The following CEP55 variants were observed in gnomAD, a reference collection of about 807,000 sequenced individuals.
CEP55 encodes centrosomal protein of 55 kDa.
Under a neutral mutation model 63.2 loss-of-function variants are expected in CEP55, and 57 were observed. The observed-to-expected ratio is 0.90, with a 90% confidence interval of 0.73 to 1.13. The LOEUF (loss-of-function observed/expected upper bound fraction) is 1.13. Ranked by LOEUF, CEP55 falls within the 50% of genes most tolerant of loss-of-function variation. CEP55 has a pLI of 0.00. For missense variants in CEP55, 456 were observed against 518.9 expected, an observed-to-expected ratio of 0.88 and a Z score of 1.18; for synonymous variants, 178 against 191.6, an observed-to-expected ratio of 0.93 and a Z score of 0.59.
chr10:93,497,521 C>A (rs2134450870), intron 1 of CEP55, among the ~76,000 whole-genome samples: 1 of 152,258 alleles, frequency 6.6e-6, no homozygotes, highest in South Asian at 2.1e-4. Flanking sequence ...CTGCCTCGGC[C>A]TTCCAGAGTG....
At chr10:93,514,003 G>A (rs1043300669) in intron 4 of CEP55, among the ~76,000 whole-genome samples, 3 of 150,658 alleles carry the variant, frequency 2.0e-5, no homozygotes, top group African/African-American at 7.3e-5. Flanking sequence ...GGAGTGCAGT[G>A]GCGCAATCTT....
rs3758542 is a variant in CEP55 at position 93,498,218 on chromosome 10, G to A, written c.-13+1295G>A. On this transcript the variant is annotated intron_variant, in intron 1 of 8. Coordinates refer to ENST00000371485, the MANE Select transcript of CEP55 (RefSeq NM_018131.5). Reference sequence around the variant, plus strand: ...GAGGTTGGTGGGACTAGGTGGTGGGGGAGATCCAAACCGTCTGGGCCAGAG... The same window carrying A: ...GAGGTTGGTGGGACTAGGTGGTGGGAGAGATCCAAACCGTCTGGGCCAGAG... Among the ~76,000 whole-genome samples, 73 of 152,222 alleles carry A rather than the reference G, an allele frequency of 4.8e-4. No individual in the cohort carries two copies. In the East Asian group the frequency reaches 0.013, roughly 27 times the overall value.
chr10:93,497,311 G>A (rs910440607), intron 1 of CEP55, among the ~76,000 whole-genome samples: 1 of 152,112 alleles, frequency 6.6e-6, no homozygotes, highest in South Asian at 2.1e-4. Context: ...TGTCACCAAG[G>A]CTGGAGTGCA....
intron 2 of CEP55, among the ~76,000 whole-genome samples, chr10:93,501,790 G>T (rs2057638406): frequency 6.6e-6 from 1 of 152,106 alleles, no homozygotes; most frequent in South Asian, 2.1e-4. Context: ...ATACATTGAG[G>T]TAAATGCTTT....
chr10:93,515,339 C>T (rs2057792638), intron 4 of CEP55, 66 bp from the exon 5 acceptor site: 1 of 1,460,866 alleles, frequency 6.8e-7, no homozygotes, highest in African/African-American at 1.4e-5. Context: ...CACTTGGACT[C>T]TCTTGCCCAT....
chr10:93,500,613 C>T (rs1411073279), intron 2 of CEP55, among the ~76,000 whole-genome samples: 1 of 152,168 alleles, frequency 6.6e-6, no homozygotes, highest in African/African-American at 2.4e-5. Flanking sequence ...CATCATTCTT[C>T]CTATAGCTTC....
intron 1 of CEP55, among the ~76,000 whole-genome samples, chr10:93,498,272 G>C (rs2057595474): frequency 6.6e-6 from 1 of 152,170 alleles, no homozygotes; most frequent in South Asian, 2.1e-4. Context: ...TTCATTCACT[G>C]CCAGAGTTTC....
In CEP55 at chr10:93,522,868, C is replaced by A. The variant is rs190598708; in HGVS notation, c.1191+3061C>A. Reference sequence around the variant, plus strand: ...TCATAAGTGAAGGAAAAATAAAATCCTTTACAGACAAGCAAATGCTGAGAG... The same window carrying A: ...TCATAAGTGAAGGAAAAATAAAATCATTTACAGACAAGCAAATGCTGAGAG... On this transcript the variant is annotated intron_variant, in intron 8 of 8. Coordinates refer to ENST00000371485, the MANE Select transcript of CEP55 (RefSeq NM_018131.5). Among the ~76,000 whole-genome samples the A allele has an allele frequency of 3.8e-3, 581 of 152,278 alleles. 4 individuals carry two copies. Among genetic ancestry groups the A allele is most frequent in the African/African-American group, 0.013 (550 of 41,544 alleles).
chr10:93,497,090 T>C (rs2057577227), intron 1 of CEP55, among the ~76,000 whole-genome samples, 167 bp downstream of exon 1: 1 of 152,238 alleles, frequency 6.6e-6, no homozygotes, highest in Non-Finnish European at 1.5e-5. Flanking sequence ...GTTTCTCTTT[T>C]CCTGTCTGTC....
At chr10:93,512,154 G>A (rs1243089421) in intron 4 of CEP55, among the ~76,000 whole-genome samples, 1 of 149,068 alleles carries the variant, frequency 6.7e-6, no homozygotes, top group Non-Finnish European at 1.5e-5. Flanking sequence ...TGGAACCCGG[G>A]AGGCAGAGTT....
At chr10:93,504,145 T>C (rs2057664136) in intron 3 of CEP55, among the ~76,000 whole-genome samples, 2 of 152,174 alleles carry the variant, frequency 1.3e-5, no homozygotes, top group Non-Finnish European at 2.9e-5. Context: ...TTGATTCTTT[T>C]GGAGATTTGG....
chr10:93,515,412 A>G lies in CEP55; in HGVS notation c.536A>G (p.Glu179Gly), dbSNP rs772595176. The G allele has an allele frequency of 1.3e-6, 2 of 1,588,970 alleles. No individual in the cohort carries two copies. The highest frequency in any genetic ancestry group is 2.3e-5 in the East Asian group (1 of 44,390). ...TTTCATCTTCCCATTAAGGCTCTGG[A>G]GAAAAATCAGCAGTGGCTCGTGTAT... is the stretch of plus-strand genomic sequence containing the variant. Reference protein sequence around the residue: ...EMEIQLKDALEKNQQWLVYDQ... With the variant: ...EMEIQLKDALGKNQQWLVYDQ... The change falls in exon 5 of 9, where the codon GAG (glutamate) becomes GGG (glycine). Residue 179 changes from glutamate to glycine, a missense_variant. By Grantham distance (98) the Glu-to-Gly change is moderately conservative. Coordinates refer to ENST00000371485, the MANE Select transcript of CEP55 (RefSeq NM_018131.5).
intron 8 of CEP55, among the ~76,000 whole-genome samples, chr10:93,523,930 A>G (rs1028919008): frequency 2.0e-5 from 3 of 152,234 alleles, no homozygotes; most frequent in Non-Finnish European, 4.4e-5. Flanking sequence ...TCTGGGACAC[A>G]TTTAAAGCAG....
Position 93,528,237 on chromosome 10 carries a change from C to T in CEP55, c.*84C>T, listed in dbSNP as rs2057944846. On this transcript the variant is annotated 3_prime_UTR_variant, in exon 9 of 9. Transcript: ENST00000371485. ...TGGGCATTTTGAATTATATATTTCA[C>T]ATTTTGCATAAAACTGCCTATCTAC... The T allele has an allele frequency of 8.1e-7, 1 of 1,231,156 alleles. No individual in the cohort carries two copies. Among genetic ancestry groups the T allele is most frequent in the Middle Eastern group, 2.0e-4 (1 of 4,992 alleles). The allele number at this position is 1,231,156 out of a possible 1,614,324, so 76.3% of individuals were successfully genotyped here. A position where few individuals can be genotyped will look rare whatever the true frequency, so the allele number is the denominator to read the frequency against.
At chr10:93,505,130 A>T (rs1464183442) in intron 3 of CEP55, among the ~76,000 whole-genome samples, 1 of 152,208 alleles carries the variant, frequency 6.6e-6, no homozygotes, top group Non-Finnish European at 1.5e-5. Flanking sequence ...TAATTTTTAA[A>T]AATGTATTCT....
chr10:93,519,840 T>G (rs1474479985), intron 8 of CEP55, 33 bp downstream of exon 8: 2 of 1,612,406 alleles, frequency 1.2e-6, no homozygotes, highest in Admixed American at 3.3e-5. Flanking sequence ...AAAATTTGTC[T>G]TCGTCTTCCA....
At chr10:93,517,573 G>C (rs139402530) in intron 6 of CEP55, among the ~76,000 whole-genome samples, 80 of 152,342 alleles carry the variant, frequency 5.3e-4, no homozygotes, top group African/African-American at 1.8e-3. Context: ...CAAAGGCTCT[G>C]AGTGAGGAGG....
intron 8 of CEP55, among the ~76,000 whole-genome samples, chr10:93,525,049 T>A (rs2057906197): frequency 6.6e-6 from 1 of 150,826 alleles, no homozygotes; most frequent in Non-Finnish European, 1.5e-5. Context: ...ATGTCCTCTC[T>A]CACCACTCCT....
At chr10:93,501,730 A>G (rs1275779404) in intron 2 of CEP55, among the ~76,000 whole-genome samples, 1 of 152,248 alleles carries the variant, frequency 6.6e-6, no homozygotes, top group African/African-American at 2.4e-5. Context: ...TGATTTATTT[A>G]AATTCTCTAA....
Sources: allele counts gnomAD v4.1 joint callset (sites outside exome capture counted in the v4.1 genomes callset), GRCh38; gene constraint gnomAD v4.1.1; transcripts MANE v1.5; gene names NCBI Gene and HGNC (gene_info 2026-07-23, HGNC 2026-07-21).